EYA4: variants seen among roughly 807,000 people sequenced by gnomAD.
EYA4 encodes the protein EYA transcriptional coactivator and phosphatase 4.
Under a neutral mutation model 87.9 loss-of-function variants are expected in EYA4, and 31 were observed. The observed-to-expected ratio is 0.35, with a 90% CI of 0.27 to 0.48. EYA4 has a LOEUF of 0.48. EYA4 is among the 20% of genes least tolerant of loss of function. The pLI is 0.99. For missense variants in EYA4, 678 were observed against 761.4 expected, an observed-to-expected ratio of 0.89 and a Z score of 1.29; for synonymous variants, 263 against 270.6, an observed-to-expected ratio of 0.97 and a Z score of 0.28.
intron 1 of EYA4, among the ~76,000 whole-genome samples, chr6:133,255,847 C>G (rs1775293915): frequency 1.3e-5 from 2 of 151,960 alleles, no homozygotes; most frequent in African/African-American, 4.8e-5. Flanking sequence ...CATATTTTTA[C>G]TATTACTAAG....
chr6:133,299,941 A>G (rs1562263852), intron 2 of EYA4, among the ~76,000 whole-genome samples: 2 of 136,314 alleles, frequency 1.5e-5, no homozygotes, highest in Non-Finnish European at 3.1e-5. Flanking sequence ...CTATCTATCT[A>G]TCTATCTATC....
chr6:133,519,731 A>G (rs1251143653), intron 17 of EYA4, among the ~76,000 whole-genome samples: 3 of 151,006 alleles, frequency 2.0e-5, no homozygotes, highest in Non-Finnish European at 4.4e-5. Flanking sequence ...ATGAACATTG[A>G]TGCAAAAATC....
At chr6:133,394,156 A>G (rs1583161503) in intron 3 of EYA4, among the ~76,000 whole-genome samples, 1 of 152,144 alleles carries the variant, frequency 6.6e-6, no homozygotes, top group African/African-American at 2.4e-5. Context: ...TACTGTGCCA[A>G]ATAACTGTCT....
At chr6:133,261,194 C>G (rs1051874597) in intron 1 of EYA4, among the ~76,000 whole-genome samples, 1 of 152,190 alleles carries the variant, frequency 6.6e-6, no homozygotes, top group Non-Finnish European at 1.5e-5. Flanking sequence ...TAAGTTGCCA[C>G]TTAACTCCAC....
chr6:133,349,488 GAA>G (rs1783469207), intron 2 of EYA4, among the ~76,000 whole-genome samples: 1 of 152,162 alleles, frequency 6.6e-6, no homozygotes, highest in Non-Finnish European at 1.5e-5. Flanking sequence ...ATGAATAAAT[GAA>G]TGAAAGAATG....
At chr6:133,315,966 A>G (rs929084801) in intron 2 of EYA4, among the ~76,000 whole-genome samples, 1 of 152,166 alleles carries the variant, frequency 6.6e-6, no homozygotes, top group African/African-American at 2.4e-5. Context: ...AGGTCTGGCT[A>G]ATGGGAGCAG....
chr6:133,293,593 C>A (rs1302557033), intron 2 of EYA4, among the ~76,000 whole-genome samples: 20 of 152,062 alleles, frequency 1.3e-4, no homozygotes, highest in African/African-American at 4.8e-4. Context: ...TTCATCCTGG[C>A]CTGCACTGGA....
chr6:133,407,824 A>G (rs1457651174), intron 3 of EYA4, among the ~76,000 whole-genome samples: 1 of 152,174 alleles, frequency 6.6e-6, no homozygotes, highest in African/African-American at 2.4e-5. Context: ...CATATTTCTC[A>G]AATTCCTAGA....
intron 2 of EYA4, among the ~76,000 whole-genome samples, chr6:133,275,619 CCAT>C (rs1346537699): frequency 3.3e-5 from 5 of 151,358 alleles, no homozygotes; most frequent in Admixed American, 2.0e-4. Flanking sequence ...AAATGTTTCT[CCAT>C]CAGGCAACTG....
chr6:133,499,412 A>T (rs1178984361), intron 13 of EYA4, among the ~76,000 whole-genome samples: 1 of 152,168 alleles, frequency 6.6e-6, no homozygotes, highest in Non-Finnish European at 1.5e-5. Flanking sequence ...CACTGTTGCC[A>T]TGTACTACCA....
chr6:133,345,888 G>A (rs1177819064), intron 2 of EYA4, among the ~76,000 whole-genome samples: 1 of 152,218 alleles, frequency 6.6e-6, no homozygotes, highest in African/African-American at 2.4e-5. Flanking sequence ...GAGAAGGTAA[G>A]GACATCTTTT....
At chr6:133,367,960 C>CT (rs574545456) in intron 2 of EYA4, among the ~76,000 whole-genome samples, 1 of 152,142 alleles carries the variant, frequency 6.6e-6, no homozygotes, top group Non-Finnish European at 1.5e-5. Flanking sequence ...ATGGAAACCT[C>CT]TATGTTTGTT....
At chr6:133,364,591 A>G (rs765007288) in intron 2 of EYA4, among the ~76,000 whole-genome samples, 2 of 152,196 alleles carry the variant, frequency 1.3e-5, no homozygotes, top group Non-Finnish European at 2.9e-5. Context: ...CTAATTCTTA[A>G]CAGATTTACT....
chr6:133,439,898 A>G (rs976509709), intron 3 of EYA4, among the ~76,000 whole-genome samples: 1 of 152,184 alleles, frequency 6.6e-6, no homozygotes, highest in African/African-American at 2.4e-5. Context: ...AAGATATTCC[A>G]AGGGCTTAAA....
chr6:133,257,220 G>C (rs1450778241), intron 1 of EYA4, among the ~76,000 whole-genome samples: 1 of 152,086 alleles, frequency 6.6e-6, no homozygotes, highest in African/African-American at 2.4e-5. Context: ...GGTTATAAGA[G>C]TAGAGTGCAT....
intron 3 of EYA4, among the ~76,000 whole-genome samples, chr6:133,385,882 G>A (rs1230450822): frequency 2.6e-5 from 4 of 152,052 alleles, no homozygotes; most frequent in South Asian, 2.1e-4. Context: ...GTATAAGTAC[G>A]GCACCAAACT....
chr6:133,341,802 A>G (rs1583008595), intron 2 of EYA4, among the ~76,000 whole-genome samples: 2 of 151,492 alleles, frequency 1.3e-5, no homozygotes, highest in Admixed American at 6.6e-5. Flanking sequence ...ACTTAAGGGG[A>G]AAAAAAAACT....
intron 3 of EYA4, among the ~76,000 whole-genome samples, chr6:133,441,087 A>G (rs143418831): frequency 7.9e-4 from 120 of 152,072 alleles, no homozygotes; most frequent in African/African-American, 2.5e-3. Context: ...ACTTATTCCA[A>G]TATTATTCTG....
chr6:133,377,544 A>T (rs1785800349), intron 2 of EYA4, among the ~76,000 whole-genome samples: 2 of 147,242 alleles, frequency 1.4e-5, no homozygotes, highest in South Asian at 4.3e-4. Flanking sequence ...GAAACAACGC[A>T]GAAGTTGTTT....
Sources: gnomAD v4.1 joint callset for allele counts (sites outside exome capture counted in the v4.1 genomes callset) on GRCh38, gnomAD v4.1.1 for gene constraint, MANE v1.5 for transcripts, NCBI Gene and HGNC (gene_info 2026-07-23, HGNC 2026-07-21) for gene names.